PTPRD: variants seen among roughly 807,000 people sequenced by gnomAD.
PTPRD encodes the protein receptor-type tyrosine-protein phosphatase delta.
PTPRD carries 34 observed loss-of-function variants against 214.5 expected under a neutral mutation model. The ratio of observed to expected loss-of-function variants is 0.16; its 90% CI spans 0.12 to 0.21. PTPRD has a LOEUF of 0.21. Ranked by LOEUF, PTPRD falls within the 10% of genes least tolerant of loss-of-function variation. The probability of loss-of-function intolerance (pLI) is 1.00; values close to 1 mark genes in which losing one functional copy is unlikely to be tolerated. For synonymous variants in PTPRD, 1,128 were observed against 845.7 expected (o/e 1.33, Z -5.79); for missense variants, 2,545 against 2,398.7 (o/e 1.06, Z -1.27).
At chr9:9,627,370 G>A (rs905053770) in intron 7 of PTPRD, among the ~76,000 whole-genome samples, 9 of 152,132 alleles carry the variant, frequency 5.9e-5, no homozygotes, top group African/African-American at 2.2e-4. Context: ...CAATTCTCCT[G>A]CTTAATTTGT....
At chr9:8,793,306 G>A (rs1447492574) in intron 11 of PTPRD, among the ~76,000 whole-genome samples, 2 of 152,152 alleles carry the variant, frequency 1.3e-5, no homozygotes, top group Non-Finnish European at 2.9e-5. Flanking sequence ...TCCAACGGTG[G>A]AACTCAACTG....
intron 12 of PTPRD, among the ~76,000 whole-genome samples, chr9:8,657,926 T>C (rs188404501): frequency 1.9e-4 from 29 of 152,360 alleles, no homozygotes; most frequent in Admixed American, 1.9e-3. Context: ...CCTTTTGTAA[T>C]ACTTTATAAT....
intron 10 of PTPRD, among the ~76,000 whole-genome samples, chr9:9,163,653 A>C (rs1044987835): frequency 2.0e-5 from 3 of 152,116 alleles, no homozygotes; most frequent in Non-Finnish European, 2.9e-5. Flanking sequence ...TCTCCCACTT[A>C]AAATCTTTTA....
At chr9:8,465,388 C>A (rs1366716507) in intron 32 of PTPRD, 78 bp downstream of exon 32, 1 of 1,356,726 alleles carries the variant, frequency 7.4e-7, no homozygotes, top group East Asian at 2.3e-5. Flanking sequence ...GATATACCCA[C>A]AAATCCCCAA....
intron 4 of PTPRD, among the ~76,000 whole-genome samples, chr9:10,001,162 A>G (rs566148039): frequency 1.3e-5 from 2 of 152,102 alleles, no homozygotes; most frequent in Non-Finnish European, 2.9e-5. Context: ...TTGGCGTGAG[A>G]CCAATGACCC....
intron 2 of PTPRD, among the ~76,000 whole-genome samples, chr9:10,421,781 G>A (rs1014073132): frequency 6.6e-6 from 1 of 151,262 alleles, no homozygotes; most frequent in Non-Finnish European, 1.5e-5. Flanking sequence ...ATTCCATTTT[G>A]TGCTCAGTTT....
chr9:8,618,588 T>A lies in PTPRD; in HGVS notation c.352+14729A>T, dbSNP rs569707621. The stretch of plus-strand genomic sequence containing the variant: ...AGGTTTCAAAGAGAAAGCCATGGAG[T>A]CATAAAACACCAAGACAACTCAGTT... On this transcript the variant is annotated intron_variant, in intron 14 of 45. Coordinates refer to ENST00000381196, the MANE Select transcript of PTPRD (RefSeq NM_002839.4). 2.0e-5 allele frequency among the ~76,000 whole-genome samples: 3 copies of A among 152,110 alleles called. No individual in the cohort carries two copies. In the East Asian group the frequency reaches 5.8e-4, roughly 30 times the overall value.
At position 8,866,679 on chromosome 9, in the gene PTPRD, C is replaced by A. The variant is rs1440243326; in HGVS notation, c.-103-132733G>T. Among the ~76,000 whole-genome samples the A allele has an allele frequency of 2.0e-5, 3 of 152,164 alleles. No homozygotes were observed. The East Asian group carries it at 5.8e-4, about 29-fold the overall frequency. On this transcript the variant is annotated intron_variant, in intron 11 of 45. Coordinates refer to ENST00000381196, the MANE Select transcript of PTPRD (RefSeq NM_002839.4). Reference sequence around the variant, plus strand: ...CCAATAGCCTAAATTCCAGCATTGTCTGGATAAAACTATCCATATTTCTTA... The same window carrying A: ...CCAATAGCCTAAATTCCAGCATTGTATGGATAAAACTATCCATATTTCTTA...
chr9:10,535,132 T>C (rs752519246), intron 2 of PTPRD, among the ~76,000 whole-genome samples: 17 of 152,112 alleles, frequency 1.1e-4, no homozygotes, highest in Non-Finnish European at 2.1e-4. Flanking sequence ...AAACATATTG[T>C]GGCTTGTTTT....
intron 11 of PTPRD, among the ~76,000 whole-genome samples, chr9:8,838,913 A>G (rs1274104915): frequency 6.6e-6 from 1 of 152,134 alleles, no homozygotes; most frequent in Non-Finnish European, 1.5e-5. Context: ...ATAATAAGAG[A>G]GAAAAAAAAC....
At chr9:9,511,484 A>G (rs1216269899) in intron 8 of PTPRD, among the ~76,000 whole-genome samples, 1 of 151,738 alleles carries the variant, frequency 6.6e-6, no homozygotes, top group African/African-American at 2.4e-5. Flanking sequence ...TATAATACAT[A>G]TTGTTTGCCT....
chr9:9,651,557 T>G (rs887702851), intron 7 of PTPRD, among the ~76,000 whole-genome samples: 1 of 152,140 alleles, frequency 6.6e-6, no homozygotes, highest in East Asian at 1.9e-4. Context: ...ATCCATGTCC[T>G]GCAAAGGACA....
At chr9:9,730,926 A>T (rs901390881) in intron 7 of PTPRD, among the ~76,000 whole-genome samples, 1 of 152,170 alleles carries the variant, frequency 6.6e-6, no homozygotes, top group African/African-American at 2.4e-5. Context: ...ATCATTGTGC[A>T]TATGTTATTA....
chr9:8,528,724 C>T lies in PTPRD; in HGVS notation c.408G>A (p.Val136=), dbSNP rs1230875817. ...TGGTGGCCGTGCGAGTACGCTCAAC[C>T]ACCTTCAACTGTGGGCCCATGTCAA... ...PTIDMGPQLK[V]VERTRTATML... is the part of the protein sequence containing the mutation. Residue 136 remains valine, a synonymous_variant, in exon 15 of 46, where the codon GTG becomes GTA. Coordinates refer to ENST00000381196, the MANE Select transcript of PTPRD (RefSeq NM_002839.4). 3 of 1,613,596 alleles carry T rather than the reference C, an allele frequency of 1.9e-6. No homozygotes were observed. The highest frequency in any genetic ancestry group is 4.5e-5 in the East Asian group (2 of 44,846).
intron 10 of PTPRD, among the ~76,000 whole-genome samples, chr9:9,065,263 G>A (rs938419692): frequency 1.3e-5 from 2 of 152,164 alleles, no homozygotes; most frequent in Non-Finnish European, 2.9e-5. Flanking sequence ...GGGGGATTAT[G>A]TTTGAAATAG....
At chr9:9,469,071 G>A (rs2094417766) in intron 8 of PTPRD, among the ~76,000 whole-genome samples, 1 of 151,986 alleles carries the variant, frequency 6.6e-6, no homozygotes, top group African/African-American at 2.4e-5. Flanking sequence ...GAAATGTTTG[G>A]CCCAAATTGG....
intron 3 of PTPRD, among the ~76,000 whole-genome samples, chr9:10,196,350 G>C (rs1380243084): frequency 3.3e-5 from 5 of 152,042 alleles, no homozygotes; most frequent in African/African-American, 1.2e-4. Context: ...TAATAAATTT[G>C]TCAATATATG....
intron 2 of PTPRD, among the ~76,000 whole-genome samples, chr9:10,564,691 A>T (rs902677161): frequency 6.6e-6 from 1 of 152,114 alleles, no homozygotes; most frequent in Admixed American, 6.6e-5. Context: ...TGATTCCCAA[A>T]TTCACTCTTA....
chr9:8,377,329 G>A (rs1482283063), intron 37 of PTPRD, among the ~76,000 whole-genome samples: 1 of 151,884 alleles, frequency 6.6e-6, no homozygotes, highest in African/African-American at 2.4e-5. Flanking sequence ...GAGTCTCAGA[G>A]GGTCACACAC....
Sources: allele counts gnomAD v4.1 joint callset (sites outside exome capture counted in the v4.1 genomes callset), GRCh38; gene constraint gnomAD v4.1.1; transcripts MANE v1.5; gene names NCBI Gene and HGNC (gene_info 2026-07-23, HGNC 2026-07-21).